The following FNDC3A variants were observed in gnomAD, a reference collection of about 807,000 sequenced individuals.
The protein encoded by FNDC3A is fibronectin type III domain containing 3A, also known as fibronectin type-III domain-containing protein 3A.
In FNDC3A, 32 loss-of-function variants were observed where a neutral mutation model predicts 148.9. The observed-to-expected ratio is 0.21, with a 90% CI of 0.16 to 0.29. FNDC3A has a LOEUF of 0.29. Ranked by LOEUF, FNDC3A falls within the 10% of genes least tolerant of loss-of-function variation. The probability of loss-of-function intolerance (pLI) is 1.00; values close to 1 mark genes in which losing one functional copy is unlikely to be tolerated. For synonymous variants in FNDC3A, 472 were observed against 473.6 expected, an observed-to-expected ratio of 1.00 and a Z score of 0.04; for missense variants, 1,191 against 1,452.8, an observed-to-expected ratio of 0.82 and a Z score of 2.93.
intron 3 of FNDC3A, chr13:49,110,543 T>A: frequency 1.4e-6 from 1 of 690,744 alleles, no homozygotes; most frequent in African/African-American, 1.8e-5. Context: ...TGTTGCCATG[T>A]AAATACAAAA....
chr13:49,138,655 A>C, intron 6 of FNDC3A, 92 bp from the exon 7 acceptor site: 1 of 615,298 alleles, frequency 1.6e-6, no homozygotes, highest in East Asian at 2.9e-5. Flanking sequence ...AGTCTCAAAT[A>C]CCAACCTAGT....
At chr13:49,202,404 A>G (rs1213282239) in intron 24 of FNDC3A, among the ~76,000 whole-genome samples, 1 of 152,208 alleles carries the variant, frequency 6.6e-6, no homozygotes, top group Non-Finnish European at 1.5e-5. Context: ...TTAGTTTTAC[A>G]CACACATGTA....
At chr13:49,015,528 A>G (rs958467730) in intron 2 of FNDC3A, among the ~76,000 whole-genome samples, 43 of 152,236 alleles carry the variant, frequency 2.8e-4, no homozygotes, top group Non-Finnish European at 1.2e-4. Flanking sequence ...CTCGATATAC[A>G]ATCATGTCGT....
In FNDC3A at chr13:49,178,591, T is replaced by C; in HGVS notation, c.1554T>C (p.Tyr518=). ...ETSGYGFKPK[Y]DGEDLAYTVK... ...AGGGATATGGTTTTAAGCCTAAATA[T>C]GATGGAGAAGATCTTGCTTACACAG... The change falls in exon 14 of 26, where the codon TAT becomes TAC. Residue 518 remains tyrosine, a synonymous_variant. Transcript: ENST00000492622. 1.9e-6 allele frequency: 3 copies of C among 1,594,880 alleles called. No homozygotes were observed. Among genetic ancestry groups the C allele is most frequent in the African/African-American group, 2.7e-5 (2 of 73,734 alleles).
chr13:49,197,361 A>G (rs966295141), intron 20 of FNDC3A, among the ~76,000 whole-genome samples: 1 of 151,174 alleles, frequency 6.6e-6, no homozygotes, highest in African/African-American at 2.4e-5. Context: ...GATAGTAATA[A>G]TCAGTGATGA....
At chr13:49,192,772 A>G (rs1400349945) in intron 19 of FNDC3A, among the ~76,000 whole-genome samples, 1 of 152,202 alleles carries the variant, frequency 6.6e-6, no homozygotes, top group African/African-American at 2.4e-5. Flanking sequence ...AATCACCTTA[A>G]GTAAATATTT....
chr13:49,140,392 A>G (rs575076520), intron 7 of FNDC3A, among the ~76,000 whole-genome samples: 3 of 152,320 alleles, frequency 2.0e-5, no homozygotes, highest in East Asian at 1.9e-4. Context: ...CTTAAAGCCA[A>G]TTCAAAGACT....
At chr13:49,036,442 G>A (rs1874498817) in intron 2 of FNDC3A, among the ~76,000 whole-genome samples, 1 of 152,212 alleles carries the variant, frequency 6.6e-6, no homozygotes, top group Non-Finnish European at 1.5e-5. Context: ...ATCACAGAGA[G>A]TTCTGTCAGA....
At chr13:49,017,669 A>G (rs1301406826) in intron 2 of FNDC3A, among the ~76,000 whole-genome samples, 1 of 151,154 alleles carries the variant, frequency 6.6e-6, no homozygotes, top group Non-Finnish European at 1.5e-5. Flanking sequence ...TATTTTGCTC[A>G]TTAGTTCATG....
chr13:49,058,268 G>T (rs1156367753), intron 2 of FNDC3A, among the ~76,000 whole-genome samples: 2 of 152,238 alleles, frequency 1.3e-5, no homozygotes, highest in East Asian at 1.9e-4. Flanking sequence ...TGTGACTGGG[G>T]ACTGCATACA....
At chr13:49,107,755 A>G (rs983553931) in intron 3 of FNDC3A, among the ~76,000 whole-genome samples, 4 of 152,210 alleles carry the variant, frequency 2.6e-5, no homozygotes, top group African/African-American at 4.8e-5. Context: ...TAATCATCCT[A>G]GAAAACAGTG....
At chr13:49,162,162 A>G (rs1261707283) in intron 8 of FNDC3A, among the ~76,000 whole-genome samples, 1 of 152,006 alleles carries the variant, frequency 6.6e-6, no homozygotes, top group Non-Finnish European at 1.5e-5. Context: ...CTGCCTTGCT[A>G]GGTTGGGGAA....
intron 8 of FNDC3A, 164 bp downstream of exon 8, chr13:49,146,099 G>T: frequency 1.8e-6 from 1 of 556,196 alleles, no homozygotes; most frequent in South Asian, 2.5e-5. Context: ...AATGTAGCTT[G>T]GTACACATTT....
At chr13:49,020,105 T>A (rs1022233296) in intron 2 of FNDC3A, among the ~76,000 whole-genome samples, 2 of 152,202 alleles carry the variant, frequency 1.3e-5, no homozygotes, top group Non-Finnish European at 2.9e-5. Context: ...GTTGAGTTTT[T>A]AAATAAATTT....
At chr13:48,989,364 A>C (rs901048535) in intron 1 of FNDC3A, among the ~76,000 whole-genome samples, 3 of 152,250 alleles carry the variant, frequency 2.0e-5, no homozygotes, top group Non-Finnish European at 4.4e-5. Context: ...TATTGAGAAA[A>C]ATTAATCACT....
chr13:49,004,423 T>TA (rs1952183736), intron 1 of FNDC3A, among the ~76,000 whole-genome samples: 1 of 152,026 alleles, frequency 6.6e-6, no homozygotes, highest in Non-Finnish European at 1.5e-5. Flanking sequence ...ATACTAAAAT[T>TA]AAAGATAATA....
chr13:49,171,580 A>G (rs916701538), intron 10 of FNDC3A, among the ~76,000 whole-genome samples: 6 of 152,320 alleles, frequency 3.9e-5, no homozygotes, highest in Non-Finnish European at 8.8e-5. Flanking sequence ...GGTAACCAGC[A>G]CAGTGAGTAT....
intron 2 of FNDC3A, among the ~76,000 whole-genome samples, chr13:49,016,567 A>G (rs1473970020): frequency 3.3e-5 from 5 of 151,922 alleles, no homozygotes. Context: ...TGGATTCATT[A>G]ATTTTTTGAA....
intron 16 of FNDC3A, among the ~76,000 whole-genome samples, chr13:49,187,950 A>G (rs1167593645): frequency 1.3e-5 from 2 of 152,174 alleles, no homozygotes; most frequent in African/African-American, 2.4e-5. Context: ...ATTAGATACT[A>G]TGAATCTTCT....
Sources: gnomAD v4.1 joint callset for allele counts (sites outside exome capture counted in the v4.1 genomes callset) on GRCh38, gnomAD v4.1.1 for gene constraint, MANE v1.5 for transcripts, NCBI Gene and HGNC (gene_info 2026-07-23, HGNC 2026-07-21) for gene names.